Variants in ARL14EPL observed in about 807,000 individuals in gnomAD.
The protein encoded by ARL14EPL is ARF like GTPase 14 effector protein like.
Under a neutral mutation model 15.9 loss-of-function variants are expected in ARL14EPL, and 17 were observed. The ratio of observed to expected loss-of-function variants is 1.07; its 90% CI spans 0.73 to 1.60. The LOEUF (loss-of-function observed/expected upper bound fraction) is 1.60, where lower values mean the gene tolerates loss of function less well. Among genes scored for constraint, ARL14EPL ranks in the 40% most tolerant of loss-of-function variants. The pLI is 0.00. For missense variants in ARL14EPL, 214 were observed against 185.9 expected, an observed-to-expected ratio of 1.15 and a Z score of -0.88; for synonymous variants, 78 against 63.8, an observed-to-expected ratio of 1.22 and a Z score of -1.06.
chr5:116,040,220 C>T (rs983928842), intron 1 of ARL14EPL, among the ~76,000 whole-genome samples: 1 of 152,012 alleles, frequency 6.6e-6, no homozygotes, highest in African/African-American at 2.4e-5. Context: ...TTGACATATA[C>T]CAAATGGCTA....
chr5:116,058,634 G>A (rs554354592), intron 3 of ARL14EPL, 91 bp from the exon 4 acceptor site: 2 of 1,241,290 alleles, frequency 1.6e-6, no homozygotes, highest in East Asian at 2.5e-5. Context: ...GGGTAAAATG[G>A]TCATGTGTAT....
chr5:116,044,601 T>C (rs1311629914), intron 1 of ARL14EPL, among the ~76,000 whole-genome samples: 1 of 152,094 alleles, frequency 6.6e-6, no homozygotes, highest in Non-Finnish European at 1.5e-5. Flanking sequence ...GTTAAACTTT[T>C]GAAGTTGACA....
chr5:116,050,737 A>G (rs1749354226), intron 1 of ARL14EPL, among the ~76,000 whole-genome samples: 1 of 151,080 alleles, frequency 6.6e-6, no homozygotes, highest in Admixed American at 6.6e-5. Context: ...ATTGCAGACC[A>G]GCCCTGGACT....
At chr5:116,058,135 C>G (rs939095140) in intron 3 of ARL14EPL, among the ~76,000 whole-genome samples, 2 of 152,264 alleles carry the variant, frequency 1.3e-5, no homozygotes, top group Admixed American at 6.5e-5. Flanking sequence ...CCTCCTTTCT[C>G]CCTCCTCACT....
chr5:116,054,528 G>C (rs887330135), intron 3 of ARL14EPL, among the ~76,000 whole-genome samples: 1 of 152,154 alleles, frequency 6.6e-6, no homozygotes, highest in Non-Finnish European at 1.5e-5. Flanking sequence ...TTAGTGCATC[G>C]TAAGTATAAA....
At chr5:116,054,528 G>A (rs887330135) in intron 3 of ARL14EPL, among the ~76,000 whole-genome samples, 14 of 152,270 alleles carry the variant, frequency 9.2e-5, no homozygotes, top group South Asian at 6.2e-4. Flanking sequence ...TTAGTGCATC[G>A]TAAGTATAAA....
chr5:116,041,332 T>C (rs1304896524), intron 1 of ARL14EPL, among the ~76,000 whole-genome samples: 3 of 152,196 alleles, frequency 2.0e-5, no homozygotes, highest in Non-Finnish European at 4.4e-5. Flanking sequence ...TGTAAAAATA[T>C]ATGTATTTAT....
At chr5:116,057,303 G>T (rs1043814120) in intron 3 of ARL14EPL, among the ~76,000 whole-genome samples, 3 of 152,094 alleles carry the variant, frequency 2.0e-5, no homozygotes, top group Non-Finnish European at 4.4e-5. Flanking sequence ...CTTCACTGCT[G>T]TAACACTCTT....
chr5:116,033,626 CAGAATGAA>C (rs1294516778), intron 1 of ARL14EPL, among the ~76,000 whole-genome samples: 1 of 105,498 alleles, frequency 9.5e-6, no homozygotes, highest in Admixed American at 9.1e-5. Context: ...TTTAGAGGCA[CAGAATGAA>C]AAAATGAAAA....
intron 1 of ARL14EPL, among the ~76,000 whole-genome samples, chr5:116,037,888 A>G (rs764600610): frequency 1.3e-5 from 2 of 152,198 alleles, no homozygotes; most frequent in Non-Finnish European, 2.9e-5. Context: ...TGAGATAAAC[A>G]CTGCATTGAT....
chr5:116,052,410 C>A, intron 2 of ARL14EPL: 1 of 653,724 alleles, frequency 1.5e-6, no homozygotes, highest in Non-Finnish European at 2.7e-6. Flanking sequence ...GGCTCTAAAA[C>A]TGTATGTATT....
intron 1 of ARL14EPL, among the ~76,000 whole-genome samples, chr5:116,042,553 C>A (rs1431456395): frequency 6.6e-6 from 1 of 152,172 alleles, no homozygotes; most frequent in Non-Finnish European, 1.5e-5. Flanking sequence ...AAAACAGTAA[C>A]CACAGCAAAC....
chr5:116,047,829 G>A (rs554954600), intron 1 of ARL14EPL, among the ~76,000 whole-genome samples: 32 of 152,310 alleles, frequency 2.1e-4, no homozygotes, highest in Middle Eastern at 3.4e-3. Flanking sequence ...TGGCCTTGGA[G>A]AAAAGGGGTG....
intron 2 of ARL14EPL, chr5:116,051,909 T>C: frequency 6.5e-7 from 1 of 1,527,458 alleles, no homozygotes; most frequent in East Asian, 2.3e-5. Context: ...GTTGGACCTA[T>C]TCATGCATCT....
Position 116,059,113 on chromosome 5 carries a change from C to T in ARL14EPL, c.*166C>T, listed in dbSNP as rs1054334500. On this transcript the variant is annotated 3_prime_UTR_variant, in exon 4 of 4. Coordinates refer to ENST00000686077, the MANE Select transcript of ARL14EPL (RefSeq NM_001195581.2). ...GTAGAATGGGCAATAATTCTGTAAC[C>T]TTCTTAACTGTGTCAACAATTTTCA... The T allele has an allele frequency of 1.5e-6, 1 of 660,682 alleles. No homozygotes were observed. Among genetic ancestry groups the T allele is most frequent in the African/African-American group, 1.8e-5 (1 of 54,930 alleles). The allele number at this position is 660,682 out of a possible 1,614,324, so 40.9% of individuals were successfully genotyped here.
intron 1 of ARL14EPL, among the ~76,000 whole-genome samples, chr5:116,047,613 C>A (rs1749297884): frequency 1.3e-5 from 2 of 152,138 alleles, no homozygotes; most frequent in African/African-American, 4.8e-5. Flanking sequence ...GTGGGGAAAC[C>A]CAGCAAGTCC....
chr5:116,057,881 A>G (rs1749557682), intron 3 of ARL14EPL, among the ~76,000 whole-genome samples: 1 of 152,244 alleles, frequency 6.6e-6, no homozygotes, highest in Admixed American at 6.5e-5. Context: ...CTTCAGTGGT[A>G]ATAACGGCTA....
Position 116,059,239 on chromosome 5 carries a change from C to T in ARL14EPL, c.*292C>T, listed in dbSNP as rs1279373494. 3.2e-6 allele frequency: 1 copy of T among 314,116 alleles called. No homozygotes were observed. Among genetic ancestry groups the T allele is most frequent in the Non-Finnish European group, 6.0e-6 (1 of 167,652 alleles). 19.5% of individuals were successfully genotyped at this position (314,116 alleles called of 1,614,324 possible). On this transcript the variant is annotated 3_prime_UTR_variant, in exon 4 of 4. Transcript: ENST00000686077. ...TGCCTTCAAATTAAAACTCTCTTCC[C>T]TCTTTGCTGATATCTGAGAAAATGT...
In ARL14EPL at chr5:116,058,796, A is replaced by C; in HGVS notation, c.308A>C (p.Lys103Thr). ...GCTGATCTGTGTGATTGTCTAGAGA[A>C]GAACTGCCTGGGCTGCTTCTACCCA... ...NDADLCDCLEKNCLGCFYPCP... is the reference protein window; with the variant it reads ...NDADLCDCLETNCLGCFYPCP... The change falls in exon 4 of 4, where the codon AAG becomes ACG. Residue 103 changes from lysine (K) to threonine (T), a missense_variant. Coordinates refer to ENST00000686077, the MANE Select transcript of ARL14EPL (RefSeq NM_001195581.2). The C allele has an allele frequency of 6.5e-7, 1 of 1,535,996 alleles. No homozygotes were observed. The highest frequency in any genetic ancestry group is 8.7e-7 in the Non-Finnish European group (1 of 1,146,906).
Sources: allele counts gnomAD v4.1 joint callset (sites outside exome capture counted in the v4.1 genomes callset), GRCh38; gene constraint gnomAD v4.1.1; transcripts MANE v1.5; gene names NCBI Gene and HGNC (gene_info 2026-07-23, HGNC 2026-07-21).